The following INPP5D variants were observed in gnomAD, a reference collection of about 807,000 sequenced individuals.
INPP5D encodes the protein phosphatidylinositol 3,4,5-trisphosphate 5-phosphatase 1.
INPP5D carries 33 observed loss-of-function variants against 122.9 expected under a neutral mutation model. That is an observed-to-expected ratio of 0.27 (90% confidence interval 0.20 to 0.36). The LOEUF (loss-of-function observed/expected upper bound fraction) is 0.36, where lower values mean the gene tolerates loss of function less well. Ranked by LOEUF, INPP5D falls within the 10% of genes least tolerant of loss-of-function variation. The pLI is 1.00. For missense variants in INPP5D, 1,053 were observed against 1,412.7 expected, an observed-to-expected ratio of 0.75 and a Z score of 4.08; for synonymous variants, 584 against 576.2, an observed-to-expected ratio of 1.01 and a Z score of -0.19.
At chr2:233,114,399 T>C (rs763135874) in intron 2 of INPP5D, among the ~76,000 whole-genome samples, 7 of 152,160 alleles carry the variant, frequency 4.6e-5, no homozygotes, top group Non-Finnish European at 1.0e-4. Context: ...CAGGAAAGCA[T>C]TTCAGGGGTT....
In INPP5D at chr2:233,189,821, A is replaced by C; in HGVS notation, c.2359-29A>C. On this transcript the variant is annotated intron_variant, in intron 21 of 26. Transcript: ENST00000445964. The surrounding 1 kb of genome is among the most constrained non-coding windows in gnomAD (Gnocchi z 5.6). ...CCCCTCACCTGTCCCTTGCCCATCA[A>C]CTCCAGTCCTGTGCCCTTCTCTCTG... 6.2e-7 allele frequency: 1 copy of C among 1,606,120 alleles called. No individual in the cohort carries two copies. Among genetic ancestry groups the C allele is most frequent in the Non-Finnish European group, 8.5e-7 (1 of 1,176,646 alleles).
intron 2 of INPP5D, among the ~76,000 whole-genome samples, chr2:233,111,755 T>A (rs954818351): frequency 2.0e-5 from 3 of 152,134 alleles, no homozygotes; most frequent in Non-Finnish European, 4.4e-5. Context: ...AAGTTACTAG[T>A]TTTTGCTTTT....
intron 1 of INPP5D, among the ~76,000 whole-genome samples, chr2:233,068,319 G>A (rs552104157): frequency 1.3e-5 from 2 of 149,546 alleles, no homozygotes; most frequent in East Asian, 3.9e-4. Flanking sequence ...TGGTGATCAG[G>A]TGTGGTGGCT....
intron 23 of INPP5D, among the ~76,000 whole-genome samples, chr2:233,194,477 C>T (rs1695131170): frequency 7.0e-6 from 1 of 142,560 alleles, no homozygotes; most frequent in African/African-American, 2.6e-5. Context: ...GTTTCTGTAC[C>T]TTCTAAACTG....
At chr2:233,181,388 C>T (rs955348175) in intron 18 of INPP5D, among the ~76,000 whole-genome samples, 3 of 152,094 alleles carry the variant, frequency 2.0e-5, no homozygotes, top group African/African-American at 4.8e-5. Context: ...TTCCTTTGCC[C>T]GCCCATTCAT....
At chr2:233,069,256 C>T (rs11892111) in intron 1 of INPP5D, among the ~76,000 whole-genome samples, 2,778 of 152,272 alleles carry the variant, frequency 0.018, 91 homozygotes, top group African/African-American at 0.064. Flanking sequence ...TTTGGGACCT[C>T]CCCGGAGCAG....
chr2:233,081,308 C>G (rs1298584972), intron 2 of INPP5D, among the ~76,000 whole-genome samples: 2 of 152,110 alleles, frequency 1.3e-5, no homozygotes, highest in Admixed American at 1.3e-4. Flanking sequence ...AGGGCATGAG[C>G]TTTTCTGGCA....
In INPP5D at chr2:233,156,899, C is replaced by A. The variant is rs144828012; in HGVS notation, c.1031-1414C>A. On this transcript the variant is annotated intron_variant, in intron 9 of 26. Transcript: ENST00000445964. ...TCCCGAAATCTAAGTTCCCAGATGACAGCAGAAAGCCAGCCTTTCAAGCAA... is the reference window on the plus strand; with the variant it reads ...TCCCGAAATCTAAGTTCCCAGATGAAAGCAGAAAGCCAGCCTTTCAAGCAA... Among the ~76,000 whole-genome samples the A allele has an allele frequency of 1.6e-3, 243 of 152,324 alleles. 3 individuals carry two copies. In the East Asian group the frequency reaches 0.027, roughly 17 times the overall value.
At chr2:233,107,904 C>T (rs1429846928) in intron 2 of INPP5D, among the ~76,000 whole-genome samples, 1 of 152,152 alleles carries the variant, frequency 6.6e-6, no homozygotes, top group Non-Finnish European at 1.5e-5. Flanking sequence ...CTCCCTTCTG[C>T]ACACTGAGAT....
At chr2:233,148,892 G>A (rs1693847181) in intron 9 of INPP5D, among the ~76,000 whole-genome samples, 1 of 152,080 alleles carries the variant, frequency 6.6e-6, no homozygotes, top group South Asian at 2.1e-4. Context: ...CATTTAGAGG[G>A]CATGGTTAAG....
intron 13 of INPP5D, among the ~76,000 whole-genome samples, chr2:233,168,647 T>C (rs1466726953): frequency 1.3e-5 from 2 of 152,270 alleles, no homozygotes; most frequent in African/African-American, 4.8e-5. Flanking sequence ...GGTTTTTCTT[T>C]TGATTTGTTT....
At chr2:233,182,348 T>A in intron 18 of INPP5D, 62 bp from the exon 19 acceptor site, 1 of 1,605,740 alleles carries the variant, frequency 6.2e-7, no homozygotes, top group Non-Finnish European at 8.5e-7. Flanking sequence ...AGGGTTGCCA[T>A]CCTTGGCCTG....
chr2:233,090,064 A>G (rs1447903533), intron 2 of INPP5D, among the ~76,000 whole-genome samples: 3 of 152,176 alleles, frequency 2.0e-5, no homozygotes, highest in Non-Finnish European at 4.4e-5. Flanking sequence ...TGAGCTGTGG[A>G]GGCCTTGAGA....
intron 2 of INPP5D, among the ~76,000 whole-genome samples, chr2:233,116,225 G>GTAGATAGATAGATAGATAGATAGA (rs1553575234): frequency 1.9e-3 from 249 of 133,862 alleles, no homozygotes; most frequent in Middle Eastern, 3.8e-3. Context: ...AGATATATAT[G>GTAGATAGATAGATAGATAGATAGA]TAGATAGATA....
chr2:233,146,591 G>A (rs928352704), intron 8 of INPP5D, among the ~76,000 whole-genome samples, 153 bp downstream of exon 8: 2 of 152,220 alleles, frequency 1.3e-5, no homozygotes, highest in Admixed American at 6.5e-5. Context: ...GACCTTTGTC[G>A]CTGTGATGGC....
At chr2:233,165,536 CTA>C (rs1339613216) in intron 13 of INPP5D, among the ~76,000 whole-genome samples, 3 of 146,444 alleles carry the variant, frequency 2.0e-5, no homozygotes, top group African/African-American at 5.1e-5. Flanking sequence ...CACTCCATAT[CTA>C]TGAGTGTGTG....
chr2:233,089,116 C>G (rs891816459), intron 2 of INPP5D, among the ~76,000 whole-genome samples: 1 of 152,052 alleles, frequency 6.6e-6, no homozygotes, highest in African/African-American at 2.4e-5. Context: ...AAGACAGAGG[C>G]GGGGTGAGGG....
At chr2:233,097,524 A>G (rs1315517412) in intron 2 of INPP5D, among the ~76,000 whole-genome samples, 5 of 152,104 alleles carry the variant, frequency 3.3e-5, no homozygotes, top group Non-Finnish European at 7.3e-5. Context: ...CTTTCTCCAT[A>G]TAGTTCTTAA....
chr2:233,166,618 C>CCCCTCCTT (rs1559329827), intron 13 of INPP5D, among the ~76,000 whole-genome samples: 3 of 152,002 alleles, frequency 2.0e-5, no homozygotes, highest in Non-Finnish European at 4.4e-5. Flanking sequence ...TTCCCCTCCT[C>CCCCTCCTT]TCTGCCCTGG....
Sources: gnomAD v4.1 joint callset for allele counts (sites outside exome capture counted in the v4.1 genomes callset) on GRCh38, gnomAD v4.1.1 for gene constraint, Gnocchi (gnomAD v3.1) non-coding constraint, MANE v1.5 for transcripts, NCBI Gene and HGNC (gene_info 2026-07-23, HGNC 2026-07-21) for gene names.